BLTP3A: variants seen among roughly 807,000 people sequenced by gnomAD.
BLTP3A encodes the protein bridge-like lipid transfer protein family member 3A, also known as ICBP90 binding protein 1.
chr6:34,834,458 G>A, the BLTP3A span: 1 of 1,597,434 alleles, frequency 6.3e-7, no homozygotes, highest in Admixed American at 1.7e-5. Flanking sequence ...TTCAAAGTCA[G>A]ACTGATTCTT....
chr6:34,871,959 C>G, the BLTP3A span: 1 of 1,592,172 alleles, frequency 6.3e-7, no homozygotes, highest in East Asian at 2.2e-5. Context: ...CTGCCCATAA[C>G]CCTTGGGGGC....
chr6:34,862,484 T>C, the BLTP3A span, among the ~76,000 whole-genome samples: 2 of 152,026 alleles, frequency 1.3e-5, no homozygotes, highest in Non-Finnish European at 2.9e-5. Context: ...AACTTTCAGG[T>C]TTGTAACAGT....
At chr6:34,828,919 T>TG in the BLTP3A span, among the ~76,000 whole-genome samples, 1 of 147,184 alleles carries the variant, frequency 6.8e-6, no homozygotes, top group East Asian at 2.0e-4. Context: ...ACCAGCTCCT[T>TG]GGGAGGCTGA....
At chr6:34,870,949 T>TC in the BLTP3A span, 11 of 1,613,838 alleles carry the variant, frequency 6.8e-6, no homozygotes, top group Admixed American at 3.3e-5. Context: ...AGCTGTTCAT[T>TC]CCCCCCTGGC....
the BLTP3A span, among the ~76,000 whole-genome samples, chr6:34,796,688 A>G: frequency 6.6e-6 from 1 of 152,376 alleles, no homozygotes; most frequent in East Asian, 1.9e-4. Flanking sequence ...TGGAAGGAGC[A>G]TGGGCTCTGG....
At chr6:34,818,537 A>G in the BLTP3A span, among the ~76,000 whole-genome samples, 55 of 152,302 alleles carry the variant, frequency 3.6e-4, 1 homozygote, top group South Asian at 1.0e-3. Context: ...ACGTAAATAG[A>G]TAATTGATAG....
At chr6:34,800,882 C>T in the BLTP3A span, among the ~76,000 whole-genome samples, 4 of 152,010 alleles carry the variant, frequency 2.6e-5, no homozygotes, top group East Asian at 1.9e-4. Flanking sequence ...CACATGCCAC[C>T]GTGCCTGGCT....
At chr6:34,858,360 T>C in the BLTP3A span, 13 of 1,614,080 alleles carry the variant, frequency 8.1e-6, no homozygotes, top group Non-Finnish European at 1.1e-5. Context: ...TTTTGCATCA[T>C]GCCTTTCAGA....
the BLTP3A span, among the ~76,000 whole-genome samples, chr6:34,794,074 C>T: frequency 6.6e-6 from 1 of 151,876 alleles, no homozygotes; most frequent in East Asian, 1.9e-4. Context: ...GCAGGAGGAT[C>T]GCTTCAGCTC....
At chr6:34,803,630 A>G in the BLTP3A span, among the ~76,000 whole-genome samples, 4 of 152,156 alleles carry the variant, frequency 2.6e-5, no homozygotes, top group Non-Finnish European at 5.9e-5. Flanking sequence ...CTGCTCTCCT[A>G]AGCTACCCTT....
the BLTP3A span, among the ~76,000 whole-genome samples, chr6:34,809,551 T>C: frequency 3.3e-5 from 5 of 152,076 alleles, no homozygotes; most frequent in South Asian, 8.3e-4. Context: ...AAAACGTTTT[T>C]TGTTTTTTTG....
At chr6:34,852,701 A>G in the BLTP3A span, among the ~76,000 whole-genome samples, 1 of 152,126 alleles carries the variant, frequency 6.6e-6, no homozygotes, top group Non-Finnish European at 1.5e-5. Flanking sequence ...TTGCACCCCA[A>G]GTCCATTGGC....
chr6:34,864,109 A>C, the BLTP3A span: 1 of 1,613,924 alleles, frequency 6.2e-7, no homozygotes, highest in Non-Finnish European at 8.5e-7. Context: ...CAGTCATTTG[A>C]TGGTGTCTCA....
At chr6:34,828,635 T>C in the BLTP3A span, among the ~76,000 whole-genome samples, 2 of 152,130 alleles carry the variant, frequency 1.3e-5, no homozygotes, top group Non-Finnish European at 2.9e-5. Context: ...GATTTTTTGC[T>C]GTTAAACATG....
chr6:34,831,272 C>T, the BLTP3A span, among the ~76,000 whole-genome samples: 6 of 151,898 alleles, frequency 4.0e-5, no homozygotes, highest in Admixed American at 6.6e-5. Context: ...GGATTACAGG[C>T]GCCTGCCACC....
chr6:34,868,311 AATATAT>A, the BLTP3A span, among the ~76,000 whole-genome samples: 1 of 149,352 alleles, frequency 6.7e-6, no homozygotes, highest in African/African-American at 2.5e-5. Context: ...TGTCTCAAAA[AATATAT>A]ATATATAAAT....
the BLTP3A span, among the ~76,000 whole-genome samples, chr6:34,813,994 T>C: frequency 9.3e-6 from 1 of 107,392 alleles, no homozygotes; most frequent in African/African-American, 3.6e-5. Context: ...GTCAGGCCCA[T>C]GGAACATCTT....
At chr6:34,852,567 C>CTCCTG in the BLTP3A span, among the ~76,000 whole-genome samples, 1 of 149,858 alleles carries the variant, frequency 6.7e-6, no homozygotes, top group Admixed American at 6.7e-5. Flanking sequence ...CTCCTCTCCT[C>CTCCTG]TCCTCTCCTC....
chr6:34,830,113 T>TC, the BLTP3A span, among the ~76,000 whole-genome samples: 34 of 151,788 alleles, frequency 2.2e-4, no homozygotes, highest in Non-Finnish European at 4.1e-4. Flanking sequence ...GCGCCTGGCC[T>TC]CCCCTGGCTA....
Sources: gnomAD v4.1 joint callset for allele counts (sites outside exome capture counted in the v4.1 genomes callset) on GRCh38, gnomAD v4.1.1 for gene constraint, MANE v1.5 for transcripts, NCBI Gene and HGNC (gene_info 2026-07-23, HGNC 2026-07-21) for gene names.